PLEKHH2: variants seen among roughly 807,000 people sequenced by gnomAD.
PLEKHH2 encodes the protein pleckstrin homology domain-containing family H member 2.
A neutral mutation model predicts 187.9 loss-of-function variants in PLEKHH2; 129 were observed. The ratio of observed to expected loss-of-function variants is 0.69; its 90% confidence interval spans 0.59 to 0.79. The LOEUF (loss-of-function observed/expected upper bound fraction) is 0.79, where lower values mean the gene tolerates loss of function less well. Among genes scored for constraint, PLEKHH2 ranks in the 30% least tolerant of loss-of-function variants. The pLI is 0.00. For missense variants in PLEKHH2, 2,076 were observed against 1,751.2 expected, an observed-to-expected ratio of 1.19 and a Z score of -3.31; for synonymous variants, 686 against 605.6, an observed-to-expected ratio of 1.13 and a Z score of -1.95.
intron 17 of PLEKHH2, among the ~76,000 whole-genome samples, 193 bp downstream of exon 17, chr2:43,726,644 G>C (rs1670764208): frequency 6.6e-6 from 1 of 152,152 alleles, no homozygotes; most frequent in Admixed American, 6.5e-5. Context: ...AATCCTGTTG[G>C]TAAGAGTGGT....
chr2:43,764,401 A>C (rs1314852109), intron 29 of PLEKHH2, 36 bp downstream of exon 29: 1 of 1,600,182 alleles, frequency 6.2e-7, no homozygotes, highest in East Asian at 2.3e-5. Context: ...TTTTTGTCCT[A>C]GTTGTTTTCA....
At chr2:43,667,235 A>T (rs963802093) in intron 2 of PLEKHH2, among the ~76,000 whole-genome samples, 13 of 152,166 alleles carry the variant, frequency 8.5e-5, no homozygotes, top group Admixed American at 2.0e-4. Flanking sequence ...CCTTTTAATT[A>T]CCTGGACATC....
chr2:43,728,248 G>T (rs1030102203), intron 17 of PLEKHH2, among the ~76,000 whole-genome samples: 9 of 152,100 alleles, frequency 5.9e-5, no homozygotes, highest in Admixed American at 2.6e-4. Flanking sequence ...GGAGGCCGAG[G>T]CAGGTGGATC....
intron 2 of PLEKHH2, 27 bp downstream of exon 2, chr2:43,644,823 T>C: frequency 6.3e-7 from 1 of 1,580,120 alleles, no homozygotes; most frequent in Non-Finnish European, 8.6e-7. Flanking sequence ...AGCTTTGTTA[T>C]TAAATGTCAG....
At chr2:43,669,529 T>C (rs1011261771) in intron 2 of PLEKHH2, among the ~76,000 whole-genome samples, 5 of 152,012 alleles carry the variant, frequency 3.3e-5, no homozygotes, top group African/African-American at 1.2e-4. Context: ...CAAAATGATA[T>C]AAGACACGAA....
At chr2:43,679,494 C>CT (rs70965314) in intron 3 of PLEKHH2, 5,989 of 253,178 alleles carry the variant, frequency 0.024, 1 homozygote, top group East Asian at 0.051. Flanking sequence ...GATTTTTTCC[C>CT]TTTTTTTTTT....
chr2:43,684,819 C>CAAA (rs534046953), intron 3 of PLEKHH2, among the ~76,000 whole-genome samples: 8 of 109,814 alleles, frequency 7.3e-5, no homozygotes, highest in African/African-American at 1.8e-4. Flanking sequence ...CTCCCATTAC[C>CAAA]AAAAAAAAAA....
intron 23 of PLEKHH2, 164 bp downstream of exon 23, chr2:43,744,153 C>G (rs12151633): frequency 2.2e-6 from 3 of 1,362,404 alleles, no homozygotes; most frequent in Non-Finnish European, 2.9e-6. Context: ...TTTGTTAAAC[C>G]CATAGAATTC....
chr2:43,725,179 C>T (rs1483596089), intron 16 of PLEKHH2, among the ~76,000 whole-genome samples: 1 of 152,094 alleles, frequency 6.6e-6, no homozygotes, highest in African/African-American at 2.4e-5. Context: ...TTTTTTTTAT[C>T]AGCTCTGTCT....
chr2:43,743,795 A>G lies in PLEKHH2; in HGVS notation c.3400-39A>G, dbSNP rs61034204. The G allele has an allele frequency of 1.3e-4, 195 of 1,557,630 alleles. No homozygotes were observed. The African/African-American group carries it at 2.4e-3, about 19-fold the overall frequency. Reference sequence around the variant, plus strand: ...TTAAAATCTCAGTTTGAAACTATATATTTCTTATTAAGAGAACTGCTTTGT... The same window carrying G: ...TTAAAATCTCAGTTTGAAACTATATGTTTCTTATTAAGAGAACTGCTTTGT... On this transcript the variant is annotated intron_variant, in intron 22 of 29. Transcript: ENST00000282406.
chr2:43,751,227 T>C (rs1671997617), intron 24 of PLEKHH2, among the ~76,000 whole-genome samples: 1 of 152,220 alleles, frequency 6.6e-6, no homozygotes, highest in South Asian at 2.1e-4. Context: ...CAAGAGGTTG[T>C]AGGGACATAG....
chr2:43,737,589 C>T (rs1671355075), intron 19 of PLEKHH2, among the ~76,000 whole-genome samples: 1 of 152,152 alleles, frequency 6.6e-6, no homozygotes, highest in African/African-American at 2.4e-5. Flanking sequence ...TGGAATGGGG[C>T]TGGAGGATTC....
intron 2 of PLEKHH2, among the ~76,000 whole-genome samples, chr2:43,660,183 GA>G (rs111470032): frequency 0.017 from 2,597 of 152,200 alleles, 61 homozygotes; most frequent in African/African-American, 0.06. Context: ...GAATGCTTTT[GA>G]GTTCACCAGT....
In PLEKHH2 at chr2:43,699,792, T is replaced by G. The variant is rs145169095; in HGVS notation, c.834T>G (p.Asn278Lys). 4 of 1,614,120 alleles carry G rather than the reference T, an allele frequency of 2.5e-6. No individual in the cohort carries two copies. The highest frequency in any genetic ancestry group is 3.4e-6 in the Non-Finnish European group (4 of 1,179,986). Residue 278 changes from asparagine (N) to lysine (K), a missense_variant, in exon 8 of 30, where the codon AAT becomes AAG. Physicochemically the swap from Asn to Lys is moderately conservative, Grantham distance 94. Coordinates refer to ENST00000282406, the MANE Select transcript of PLEKHH2 (RefSeq NM_172069.4). Reference protein sequence around the residue: ...SFATDGGISQNSGAPVSDWSS... With the variant: ...SFATDGGISQKSGAPVSDWSS... ...CCACAGATGGTGGCATCTCCCAGAATTCTGGGGCTCCTGTGAGTGACTGGA... is the reference window on the plus strand; with the variant it reads ...CCACAGATGGTGGCATCTCCCAGAAGTCTGGGGCTCCTGTGAGTGACTGGA...
chr2:43,755,981 G>T (rs889401737), intron 25 of PLEKHH2, among the ~76,000 whole-genome samples: 1 of 152,160 alleles, frequency 6.6e-6, no homozygotes, highest in Non-Finnish European at 1.5e-5. Flanking sequence ...GCAAAAATGT[G>T]AATCTAGCTC....
At position 43,723,049 on chromosome 2, in the gene PLEKHH2, G is replaced by A. The variant is rs150015956; in HGVS notation, c.2541+2300G>A. 2.4e-4 allele frequency among the ~76,000 whole-genome samples: 36 copies of A among 152,192 alleles called. No individual in the cohort carries two copies. In the East Asian group the frequency reaches 6.2e-3, roughly 26 times the overall value. On this transcript the variant is annotated intron_variant, in intron 16 of 29. Transcript: ENST00000282406. ...GTCTGTTTGCTGCTTATCAAGGCAT[G>A]GTGCATCCTTTGGTAAAATGAATAA...
chr2:43,697,192 C>T lies in PLEKHH2; in HGVS notation c.524C>T (p.Ser175Phe), dbSNP rs1285023520. 6.3e-7 allele frequency: 1 copy of T among 1,584,944 alleles called. No homozygotes were observed. The highest frequency in any genetic ancestry group is 1.2e-5 in the South Asian group (1 of 84,168). Residue 175 changes from serine (S) to phenylalanine (F), a missense_variant, in exon 7 of 30, where the codon TCC (serine) becomes TTC (phenylalanine). By Grantham distance (155) the Ser-to-Phe change is radical. Coordinates refer to ENST00000282406, the MANE Select transcript of PLEKHH2 (RefSeq NM_172069.4). ...KLQEVQGKKSSTVSTLKLSEG... is the reference protein window; with the variant it reads ...KLQEVQGKKSFTVSTLKLSEG... Reference sequence around the variant, plus strand: ...GTAGAAGTTCAAGGAAAGAAGTCATCCACTGTCTCTACACTAAAGCTTTCG... The same window carrying T: ...GTAGAAGTTCAAGGAAAGAAGTCATTCACTGTCTCTACACTAAAGCTTTCG...
At chr2:43,720,908 C>A (rs934877206) in intron 16 of PLEKHH2, among the ~76,000 whole-genome samples, 159 bp downstream of exon 16, 2 of 152,146 alleles carry the variant, frequency 1.3e-5, no homozygotes, top group Non-Finnish European at 2.9e-5. Flanking sequence ...ACACAAAGGT[C>A]TATCACCTAC....
intron 2 of PLEKHH2, among the ~76,000 whole-genome samples, chr2:43,668,826 AAAC>A (rs1361820513): frequency 6.6e-6 from 1 of 152,148 alleles, no homozygotes; most frequent in African/African-American, 2.4e-5. Context: ...AACAATAATA[AAAC>A]AACTCTTCAA....
Sources: allele counts gnomAD v4.1 joint callset (sites outside exome capture counted in the v4.1 genomes callset), GRCh38; gene constraint gnomAD v4.1.1; transcripts MANE v1.5; gene names NCBI Gene and HGNC (gene_info 2026-07-23, HGNC 2026-07-21).